CLMN: variants seen among roughly 807,000 people sequenced by gnomAD.
CLMN encodes the protein calmin (calponin-like, transmembrane).
A neutral mutation model predicts 92.7 loss-of-function variants in CLMN; 57 were observed. The ratio of observed to expected loss-of-function variants is 0.61; its 90% confidence interval spans 0.50 to 0.77. The LOEUF (loss-of-function observed/expected upper bound fraction) is 0.77. Ranked by LOEUF, CLMN falls within the 30% of genes least tolerant of loss-of-function variation. The pLI is 0.00. For missense variants in CLMN, 1,158 were observed against 1,237.5 expected, an observed-to-expected ratio of 0.94 and a Z score of 0.96; for synonymous variants, 466 against 470.6, an observed-to-expected ratio of 0.99 and a Z score of 0.13.
At chr14:95,218,122 T>C (rs1897410613) in intron 4 of CLMN, among the ~76,000 whole-genome samples, 1 of 152,184 alleles carries the variant, frequency 6.6e-6, no homozygotes, top group African/African-American at 2.4e-5. Context: ...TGAAAACAAG[T>C]GGACCAATTG....
At chr14:95,230,410 G>A (rs1346562331) in intron 1 of CLMN, among the ~76,000 whole-genome samples, 2 of 152,212 alleles carry the variant, frequency 1.3e-5, no homozygotes, top group African/African-American at 4.8e-5. Context: ...TTAGACATCT[G>A]ACAGTTCAGG....
At chr14:95,302,151 T>A (rs1303305536) in intron 1 of CLMN, among the ~76,000 whole-genome samples, 2 of 151,958 alleles carry the variant, frequency 1.3e-5, no homozygotes, top group African/African-American at 2.4e-5. Flanking sequence ...TACAAAAAAA[T>A]TAGTGGGGCA....
chr14:95,303,192 C>T (rs1901131535), intron 1 of CLMN, among the ~76,000 whole-genome samples: 1 of 152,226 alleles, frequency 6.6e-6, no homozygotes, highest in Admixed American at 6.5e-5. Context: ...GAGCCTGTGG[C>T]TTTGGGCTTG....
rs371044468 is a variant in CLMN, at chr14:95,221,639, C to G, written c.324+52G>C. 2.9e-4 allele frequency: 441 copies of G among 1,527,358 alleles called. 2 individuals are homozygous for G. The highest frequency in any genetic ancestry group is 1.5e-3 in the Middle Eastern group (9 of 5,848). The allele number at this position is 1,527,358 out of a possible 1,614,324, so 94.6% of individuals were successfully genotyped here. A position where few individuals can be genotyped will look rare whatever the true frequency, so the allele number is the denominator to read the frequency against. ...CCAGCACTGAACTTCAAATGACGTC[C>G]TTTTCCTAACAGGACAAGCTTGTGT... On this transcript the variant is annotated intron_variant, in intron 4 of 12. Coordinates refer to ENST00000298912, the MANE Select transcript of CLMN (RefSeq NM_024734.4).
chr14:95,217,779 G>A (rs1008022939), intron 4 of CLMN, among the ~76,000 whole-genome samples: 1 of 152,230 alleles, frequency 6.6e-6, no homozygotes, highest in Non-Finnish European at 1.5e-5. Flanking sequence ...TGTAAGCTGA[G>A]GTTTCAAAGT....
intron 6 of CLMN, among the ~76,000 whole-genome samples, 180 bp from the exon 7 acceptor site, chr14:95,211,059 T>C (rs1469582150): frequency 6.6e-6 from 1 of 152,192 alleles, no homozygotes; most frequent in Non-Finnish European, 1.5e-5. Context: ...ACATTTCCAT[T>C]TCCAGCCAAA....
intron 1 of CLMN, among the ~76,000 whole-genome samples, chr14:95,317,504 A>G (rs1901837764): frequency 6.6e-6 from 1 of 152,106 alleles, no homozygotes; most frequent in South Asian, 2.1e-4. Context: ...GAATCATCAA[A>G]CAGCGGGGCA....
At chr14:95,253,118 T>A (rs114304124) in intron 1 of CLMN, among the ~76,000 whole-genome samples, 3,992 of 152,192 alleles carry the variant, frequency 0.026, 193 homozygotes, top group African/African-American at 0.092. Flanking sequence ...ACTCCAGGCA[T>A]CTTCCCCTCC....
At chr14:95,201,158 T>A (rs1896866710) in intron 9 of CLMN, among the ~76,000 whole-genome samples, 1 of 151,432 alleles carries the variant, frequency 6.6e-6, no homozygotes, top group Non-Finnish European at 1.5e-5. Context: ...TAAAGTATAA[T>A]AAAAAAATTT....
chr14:95,196,516 T>C lies in CLMN; in HGVS notation c.2690A>G (p.Asp897Gly). 6.2e-7 allele frequency: 1 copy of C among 1,611,550 alleles called. No individual in the cohort carries two copies. Among genetic ancestry groups the C allele is most frequent in the Non-Finnish European group, 8.5e-7 (1 of 1,179,346 alleles). The change falls in exon 10 of 13, where the codon GAC becomes GGC. Residue 897 changes from aspartate to glycine, a missense_variant. Physicochemically the swap from Asp to Gly is moderately conservative, Grantham distance 94 (BLOSUM62 -1). Coordinates refer to ENST00000298912, the MANE Select transcript of CLMN (RefSeq NM_024734.4). ...SSDDLEEDSSDYSIPSRTSHS... is the reference protein window; with the variant it reads ...SSDDLEEDSSGYSIPSRTSHS... ...AAAATACCTGGAAGGAATGCTGTAG[T>C]CGCTACTGTCTTCTTCTAGGTCATC...
rs1318780873 is a variant in CLMN at position 95,204,054 on chromosome 14, G to A, written c.1295C>T (p.Thr432Ile). The stretch of plus-strand genomic sequence containing the variant: ...CTTACTGCAGAAAGGATCCTTGTAG[G>A]TGTCAGCCTCAAAGTGAACTGTTTT... Reference protein sequence around the residue: ...IKKTVHFEADTYKDPFCSKNL... With the variant: ...IKKTVHFEADIYKDPFCSKNL... Residue 432 changes from threonine (T) to isoleucine (I), a missense_variant, in exon 9 of 13, where the codon ACC becomes ATC. Physicochemically the swap from Thr to Ile is moderately conservative, Grantham distance 89. Transcript: ENST00000298912. 2.2e-5 allele frequency: 36 copies of A among 1,614,050 alleles called. No individual in the cohort carries two copies. The highest frequency in any genetic ancestry group is 2.7e-5 in the Non-Finnish European group (32 of 1,180,046).
intron 1 of CLMN, among the ~76,000 whole-genome samples, chr14:95,275,693 A>C (rs1899898272): frequency 6.6e-6 from 1 of 152,152 alleles, no homozygotes; most frequent in Non-Finnish European, 1.5e-5. Context: ...AAACAGTTTC[A>C]CTTTCATCAC....
chr14:95,235,344 G>T (rs1477788162), intron 1 of CLMN, among the ~76,000 whole-genome samples: 6 of 152,166 alleles, frequency 3.9e-5, no homozygotes, highest in African/African-American at 1.4e-4. Flanking sequence ...CAGTTGATGA[G>T]GATGCACAGT....
chr14:95,246,549 A>C (rs564333427), intron 1 of CLMN, among the ~76,000 whole-genome samples: 2 of 152,234 alleles, frequency 1.3e-5, no homozygotes, highest in Admixed American at 6.5e-5. Flanking sequence ...GCTCACTGCA[A>C]GCTCCACCTC....
intron 1 of CLMN, among the ~76,000 whole-genome samples, chr14:95,276,841 G>A (rs2140731971): frequency 6.6e-6 from 1 of 152,298 alleles, no homozygotes; most frequent in South Asian, 2.1e-4. Flanking sequence ...TTTTTCTCTG[G>A]CCAAAATGGA....
rs1192212362 is a variant in CLMN, at chr14:95,186,679, C to T, written c.*4885G>A. 6.6e-6 allele frequency: 1 copy of T among 152,242 alleles called. No individual in the cohort carries two copies. Among genetic ancestry groups the T allele is most frequent in the African/African-American group, 2.4e-5 (1 of 41,434 alleles). The allele number at this position is 152,242 out of a possible 1,614,324, so 9.4% of individuals were successfully genotyped here. ...TCATGGGCTCAAACAATTCTCCTGC[C>T]TCATCCTCCTGAGTAGCTGGGACTA... On this transcript the variant is annotated 3_prime_UTR_variant, in exon 13 of 13. Transcript: ENST00000298912.
rs574310145 is a variant in CLMN, at chr14:95,221,881, G to T, written c.241-107C>A. The T allele has an allele frequency of 5.5e-4, 607 of 1,101,200 alleles. 2 individuals are homozygous for T. Among genetic ancestry groups the T allele is most frequent in the Middle Eastern group, 2.7e-3 (13 of 4,806 alleles). The allele number at this position is 1,101,200 out of a possible 1,614,324, so 68.2% of individuals were successfully genotyped here. ...TTTACTTTTTTCACATGAATTTCAAGAAAAAGTTAGGGGCTCACAGCTAAA... is the reference window on the plus strand; with the variant it reads ...TTTACTTTTTTCACATGAATTTCAATAAAAAGTTAGGGGCTCACAGCTAAA... On this transcript the variant is annotated intron_variant, in intron 3 of 12. Transcript: ENST00000298912.
intron 9 of CLMN, among the ~76,000 whole-genome samples, chr14:95,201,940 T>A (rs948269630): frequency 6.6e-6 from 1 of 152,256 alleles, no homozygotes; most frequent in African/African-American, 2.4e-5. Flanking sequence ...TAGTATTCCA[T>A]GGTATATATG....
rs886743931 is a variant in CLMN at position 95,186,324 on chromosome 14, A to G, written c.*5240T>C. On this transcript the variant is annotated 3_prime_UTR_variant, in exon 13 of 13. Transcript: ENST00000298912. ...ACTGCATGGGAAGAGGGTGGGGGGA[A>G]CTATGCTGAACCTCAGAAATGGAGA... The G allele has an allele frequency of 2.6e-5, 4 of 152,342 alleles. No homozygotes were observed. Among genetic ancestry groups the G allele is most frequent in the South Asian group, 2.1e-4 (1 of 4,832 alleles). 9.4% of individuals were successfully genotyped at this position (152,342 alleles called of 1,614,324 possible). A position where few individuals can be genotyped will look rare whatever the true frequency, so the allele number is the denominator to read the frequency against.
Sources: allele counts gnomAD v4.1 joint callset (sites outside exome capture counted in the v4.1 genomes callset), GRCh38; gene constraint gnomAD v4.1.1; transcripts MANE v1.5; gene names NCBI Gene and HGNC (gene_info 2026-07-23, HGNC 2026-07-21).